ZNF529: variants seen among roughly 807,000 people sequenced by gnomAD.
ZNF529 encodes the protein zinc finger protein 529.
Under a neutral mutation model 10.1 loss-of-function variants are expected in ZNF529, and 11 were observed. The observed-to-expected ratio is 1.09, with a 90% CI of 0.69 to 1.81. The LOEUF (loss-of-function observed/expected upper bound fraction) is 1.81. Ranked by LOEUF, ZNF529 falls within the 40% of genes most tolerant of loss-of-function variation. The pLI, the probability that ZNF529 is intolerant of heterozygous loss-of-function variation, is 0.00. For missense variants in ZNF529, 624 were observed against 666.8 expected (o/e 0.94, Z 0.71); for synonymous variants, 204 against 215.7 (o/e 0.95, Z 0.47).
At chr19:36,568,474 CTTTTT>C (rs565480524) in intron 2 of ZNF529, among the ~76,000 whole-genome samples, 1 of 131,168 alleles carries the variant, frequency 7.6e-6, no homozygotes. Context: ...GATTTTCTTT[CTTTTT>C]TTTTTTTTTT....
chr19:36,591,289 C>T (rs189999803), intron 1 of ZNF529, among the ~76,000 whole-genome samples: 19 of 139,284 alleles, frequency 1.4e-4, no homozygotes, highest in Admixed American at 4.5e-4. Flanking sequence ...CAGAGTGAGA[C>T]TCCGTCTCAA....
At chr19:36,590,278 G>A (rs902593268) in intron 1 of ZNF529, among the ~76,000 whole-genome samples, 1 of 152,146 alleles carries the variant, frequency 6.6e-6, no homozygotes, top group Non-Finnish European at 1.5e-5. Flanking sequence ...GGGAGGCTGA[G>A]GCAGAAGGAT....
chr19:36,578,704 G>C (rs1392686514), intron 2 of ZNF529, among the ~76,000 whole-genome samples: 1 of 151,518 alleles, frequency 6.6e-6, no homozygotes, highest in Admixed American at 6.6e-5. Flanking sequence ...TGTCTCCCGG[G>C]TTCAAGCATT....
chr19:36,574,096 G>C (rs2036250823), upstream of ZNF529, among the ~76,000 whole-genome samples: 1 of 152,220 alleles, frequency 6.6e-6, no homozygotes, highest in East Asian at 1.9e-4. Flanking sequence ...AGTGACCAAT[G>C]GCCGGTGGCC....
intron 2 of ZNF529, among the ~76,000 whole-genome samples, chr19:36,584,928 AAGT>A (rs2036548242): frequency 2.0e-5 from 3 of 152,308 alleles, no homozygotes; most frequent in Admixed American, 1.3e-4. Flanking sequence ...GTGCAGGGGA[AAGT>A]AGAATAAGGA....
intron 2 of ZNF529, among the ~76,000 whole-genome samples, chr19:36,586,668 G>C (rs2036586981): frequency 6.6e-6 from 1 of 151,832 alleles, no homozygotes; most frequent in Non-Finnish European, 1.5e-5. Context: ...GTATTGAATT[G>C]AGAACACTCA....
upstream of ZNF529, chr19:36,577,413 C>T (rs2036351496): frequency 3.7e-6 from 1 of 271,260 alleles, no homozygotes; most frequent in South Asian, 3.1e-5. Flanking sequence ...GGGCCTTGTC[C>T]CATTTATACA....
intron 2 of ZNF529, among the ~76,000 whole-genome samples, chr19:36,588,960 T>TA (rs899773573): frequency 4.1e-5 from 5 of 120,728 alleles, no homozygotes; most frequent in Admixed American, 4.1e-4. Flanking sequence ...TTTTTTTTTT[T>TA]AAGACAGGAT....
intron 1 of ZNF529, among the ~76,000 whole-genome samples, chr19:36,592,468 C>T (rs2036744505): frequency 6.6e-6 from 1 of 151,278 alleles, no homozygotes; most frequent in Admixed American, 6.6e-5. Flanking sequence ...GTGACACGTG[C>T]CTGTAGTCAC....
At chr19:36,553,910 A>T (rs1043231597) in intron 4 of ZNF529, among the ~76,000 whole-genome samples, 1 of 152,236 alleles carries the variant, frequency 6.6e-6, no homozygotes, top group African/African-American at 2.4e-5. Flanking sequence ...CATTGTATAA[A>T]ATTACTTTCA....
upstream of ZNF529, among the ~76,000 whole-genome samples, chr19:36,578,272 G>C (rs2036379343): frequency 8.0e-6 from 1 of 125,260 alleles, no homozygotes; most frequent in Non-Finnish European, 1.6e-5. Flanking sequence ...CAACATGTTG[G>C]ACAGGATGGT....
intron 3 of ZNF529, among the ~76,000 whole-genome samples, chr19:36,555,697 G>T (rs1331945291): frequency 6.6e-6 from 1 of 152,146 alleles, no homozygotes; most frequent in Non-Finnish European, 1.5e-5. Flanking sequence ...GTTAGAGAAG[G>T]TCTTCTCCAA....
At chr19:36,595,281 C>T (rs1403498581) in intron 1 of ZNF529, among the ~76,000 whole-genome samples, 2 of 152,198 alleles carry the variant, frequency 1.3e-5, no homozygotes, top group African/African-American at 4.8e-5. Context: ...ATGACCTCTG[C>T]AGCTTGACAA....
chr19:36,593,686 T>G (rs1487213416), intron 1 of ZNF529, among the ~76,000 whole-genome samples: 2 of 152,210 alleles, frequency 1.3e-5, no homozygotes, highest in African/African-American at 4.8e-5. Flanking sequence ...TGGGGACAAC[T>G]TCTTAGATCT....
At chr19:36,579,438 G>T (rs575470306) in intron 2 of ZNF529, among the ~76,000 whole-genome samples, 1 of 152,342 alleles carries the variant, frequency 6.6e-6, no homozygotes, top group East Asian at 1.9e-4. Flanking sequence ...TGAGAAATGT[G>T]TTATTAGGTG....
intron 2 of ZNF529, among the ~76,000 whole-genome samples, chr19:36,565,333 C>T (rs181656608): frequency 6.6e-6 from 1 of 152,022 alleles, no homozygotes; most frequent in Non-Finnish European, 1.5e-5. Context: ...CGAAGACATG[C>T]CATAATAGAA....
chr19:36,598,968 A>AT (rs1210347977), intron 1 of ZNF529, among the ~76,000 whole-genome samples: 3 of 152,190 alleles, frequency 2.0e-5, no homozygotes, highest in Non-Finnish European at 2.9e-5. Flanking sequence ...TTACCCACAG[A>AT]TTTTTTCAAA....
intron 2 of ZNF529, among the ~76,000 whole-genome samples, chr19:36,585,388 A>C (rs2036558754): frequency 6.6e-6 from 1 of 152,208 alleles, no homozygotes; most frequent in Admixed American, 6.5e-5. Context: ...TCAGTGTTCC[A>C]GAGCCCTGTG....
intron 2 of ZNF529, among the ~76,000 whole-genome samples, chr19:36,578,336 C>T (rs200759318): frequency 4.4e-4 from 38 of 85,824 alleles, no homozygotes; most frequent in African/African-American, 7.7e-4. Flanking sequence ...GACGGAGTCT[C>T]ACTCTGTTGC....
Sources: allele counts gnomAD v4.1 joint callset (sites outside exome capture counted in the v4.1 genomes callset), GRCh38; gene constraint gnomAD v4.1.1; transcripts MANE v1.5; gene names NCBI Gene and HGNC (gene_info 2026-07-23, HGNC 2026-07-21).